HIVEP3: variants seen among roughly 807,000 people sequenced by gnomAD.
The protein encoded by HIVEP3 is transcription factor HIVEP3.
In HIVEP3, 49 loss-of-function variants were observed where a neutral mutation model predicts 152.8. The ratio of observed to expected loss-of-function variants is 0.32; its 90% CI spans 0.26 to 0.41. HIVEP3 has a LOEUF of 0.41. HIVEP3 is among the 10% of genes least tolerant of loss of function. The probability of loss-of-function intolerance (pLI) is 1.00; values close to 1 mark genes in which losing one functional copy is unlikely to be tolerated. For synonymous variants in HIVEP3, 1,269 were observed against 1,289.0 expected, an observed-to-expected ratio of 0.98 and a Z score of 0.33; for missense variants, 2,790 against 3,103.3, an observed-to-expected ratio of 0.90 and a Z score of 2.40.
At chr1:41,787,627 G>A (rs1649433492) in intron 1 of HIVEP3, among the ~76,000 whole-genome samples, 1 of 149,140 alleles carries the variant, frequency 6.7e-6, no homozygotes, top group Non-Finnish European at 1.5e-5. Context: ...TCAAACTCCT[G>A]AGCTCCAGCG....
At chr1:41,725,605 G>C (rs1418443569) in intron 1 of HIVEP3, among the ~76,000 whole-genome samples, 1 of 152,206 alleles carries the variant, frequency 6.6e-6, no homozygotes, top group Admixed American at 6.5e-5. Flanking sequence ...GACTGATAAA[G>C]CAAACAGGTT....
At chr1:41,521,458 T>A (rs756997061) in intron 6 of HIVEP3, among the ~76,000 whole-genome samples, 1 of 151,880 alleles carries the variant, frequency 6.6e-6, no homozygotes, top group Non-Finnish European at 1.5e-5. Flanking sequence ...GGTCCAGGAG[T>A]GGACACTGGA....
At chr1:41,687,145 C>A (rs1646126624) in intron 2 of HIVEP3, among the ~76,000 whole-genome samples, 2 of 152,178 alleles carry the variant, frequency 1.3e-5, no homozygotes, top group South Asian at 4.1e-4. Flanking sequence ...TGCTTCCTAA[C>A]AGAGGAAACA....
intron 2 of HIVEP3, among the ~76,000 whole-genome samples, chr1:41,668,180 C>T (rs904285365): frequency 6.6e-6 from 1 of 152,160 alleles, no homozygotes; most frequent in African/African-American, 2.4e-5. Context: ...GGAAGGAATC[C>T]CGAGGCAAGA....
chr1:41,683,207 G>A (rs1184385524), intron 2 of HIVEP3, among the ~76,000 whole-genome samples: 1 of 152,222 alleles, frequency 6.6e-6, no homozygotes, highest in Non-Finnish European at 1.5e-5. Flanking sequence ...ACATCAAGAA[G>A]GACTTGAAAG....
In HIVEP3 at chr1:41,513,001, G is replaced by C. The variant is rs921424703; in HGVS notation, c.6220C>G (p.Pro2074Ala). Reference protein sequence around the residue: ...PRYSPTRRWSPGQAESPPRSA... With the variant: ...PRYSPTRRWSAGQAESPPRSA... ...CGTGGTGGTGACTCGGCCTGACCTG[G>C]AGACCATCTCCTGGTGGGCGAGTAT... Residue 2074 changes from proline (P) to alanine (A), a missense_variant, in exon 8 of 9, where the codon CCA becomes GCA. Around this residue, in one of 9 missense-constraint regions of HIVEP3, gnomAD observed 816 missense variants for 806.5 expected, o/e 1.01. Transcript: ENST00000372583. 3 of 1,613,542 alleles carry C rather than the reference G, an allele frequency of 1.9e-6. No homozygotes were observed. Among genetic ancestry groups the C allele is most frequent in the East Asian group, 2.2e-5 (1 of 44,876 alleles).
chr1:41,579,800 T>C lies in HIVEP3; in HGVS notation c.4998A>G (p.Thr1666=), dbSNP rs1176985936. The C allele has an allele frequency of 6.2e-7, 1 of 1,609,852 alleles. No homozygotes were observed. The highest frequency in any genetic ancestry group is 2.2e-5 in the East Asian group (1 of 44,722). ...GCCTTCCTGCCTCAGGATGCGGAGC[T>C]GTGGCCATGGTGTATGTCTCTTTGC... is the stretch of plus-strand genomic sequence containing the variant. ...KVSKETYTMA[T]APHPEAGRLV... The change falls in exon 4 of 9, where the codon ACA becomes ACG. Residue 1666 remains threonine, a synonymous_variant. Coordinates refer to ENST00000372583, the MANE Select transcript of HIVEP3 (RefSeq NM_024503.5).
intron 1 of HIVEP3, among the ~76,000 whole-genome samples, chr1:41,846,870 T>C (rs1297909522): frequency 6.6e-6 from 1 of 152,220 alleles, no homozygotes; most frequent in African/African-American, 2.4e-5. Context: ...CAGCATCCAA[T>C]GAGCACTCAT....
In HIVEP3 at chr1:41,698,983, T is replaced by A. The variant is rs534166934; in HGVS notation, c.-721+1933A>T. On this transcript the variant is annotated intron_variant, in intron 2 of 8. Coordinates refer to ENST00000372583, the MANE Select transcript of HIVEP3 (RefSeq NM_024503.5). ...TGTCAGGAAAGCTCTGCTGAGCTCA[T>A]TTTTCAGAGGAAAGTCAAGCCCGCT... is the stretch of plus-strand genomic sequence containing the variant. Among the ~76,000 whole-genome samples the A allele has an allele frequency of 2.5e-4, 38 of 152,256 alleles. 1 individual carries two copies. Among genetic ancestry groups the A allele is most frequent in the African/African-American group, 8.9e-4 (37 of 41,554 alleles).
At chr1:41,558,338 T>C (rs1482912090) in intron 5 of HIVEP3, among the ~76,000 whole-genome samples, 1 of 152,180 alleles carries the variant, frequency 6.6e-6, no homozygotes, top group African/African-American at 2.4e-5. Flanking sequence ...CCCATCCAGG[T>C]GTCTCATGGT....
At chr1:41,658,312 A>G (rs1377349715) in intron 2 of HIVEP3, among the ~76,000 whole-genome samples, 2 of 152,216 alleles carry the variant, frequency 1.3e-5, no homozygotes, top group African/African-American at 4.8e-5. Context: ...ATGTTTATAA[A>G]AAGGACTTTG....
At chr1:41,963,220 C>A (rs903625588) in intron 1 of HIVEP3, among the ~76,000 whole-genome samples, 5 of 152,040 alleles carry the variant, frequency 3.3e-5, no homozygotes, top group African/African-American at 1.2e-4. Context: ...ACTGTGTTAT[C>A]CAGGATGGTC....
chr1:42,007,836 G>A (rs527446513), intron 1 of HIVEP3, among the ~76,000 whole-genome samples: 3 of 152,002 alleles, frequency 2.0e-5, no homozygotes, highest in Admixed American at 6.5e-5. Flanking sequence ...AAATGAGTAC[G>A]GAAGAGTAGA....
At chr1:41,545,355 GCCA>G (rs1558048592) in intron 5 of HIVEP3, among the ~76,000 whole-genome samples, 17 of 24,636 alleles carry the variant, frequency 6.9e-4, no homozygotes, top group African/African-American at 3.0e-3. Flanking sequence ...CACCATCATC[GCCA>G]CCATCACCAC....
At chr1:41,576,873 C>T (rs569411373) in intron 4 of HIVEP3, among the ~76,000 whole-genome samples, 35 of 152,336 alleles carry the variant, frequency 2.3e-4, no homozygotes, top group African/African-American at 8.4e-4. Flanking sequence ...GACTCAGTGA[C>T]CACCAAATAA....
intron 1 of HIVEP3, among the ~76,000 whole-genome samples, chr1:41,971,853 T>A (rs1645231804): frequency 6.6e-6 from 1 of 152,128 alleles, no homozygotes; most frequent in Admixed American, 6.5e-5. Context: ...CATGGATGAA[T>A]TAGTGCCTTG....
chr1:41,548,196 T>C (rs1438822273), intron 5 of HIVEP3, among the ~76,000 whole-genome samples: 1 of 152,218 alleles, frequency 6.6e-6, no homozygotes, highest in African/African-American at 2.4e-5. Flanking sequence ...TCAGACAAGC[T>C]AATGTGTGTA....
intron 2 of HIVEP3, among the ~76,000 whole-genome samples, chr1:41,688,958 T>G (rs1646153870): frequency 6.6e-6 from 1 of 152,184 alleles, no homozygotes; most frequent in Non-Finnish European, 1.5e-5. Flanking sequence ...AGAGCCCATT[T>G]CCTTCCCCTG....
chr1:41,963,533 G>A (rs1436399243), intron 1 of HIVEP3, among the ~76,000 whole-genome samples: 1 of 150,588 alleles, frequency 6.6e-6, no homozygotes, highest in Non-Finnish European at 1.5e-5. Flanking sequence ...TGGGGGGAGC[G>A]GCGAGGGGGG....
Sources: gnomAD v4.1 joint callset for allele counts (sites outside exome capture counted in the v4.1 genomes callset) on GRCh38, gnomAD v4.1.1 for gene constraint, gnomAD v4.1.1 regional missense constraint, MANE v1.5 for transcripts, NCBI Gene and HGNC (gene_info 2026-07-23, HGNC 2026-07-21) for gene names.